CELF2: variants seen among roughly 807,000 people sequenced by gnomAD.
The protein encoded by CELF2 is CUGBP Elav-like family member 2.
Under a neutral mutation model 62.6 loss-of-function variants are expected in CELF2, and 8 were observed. That is an observed-to-expected ratio of 0.13 (90% CI 0.07 to 0.23). The LOEUF is 0.23. CELF2 is among the 10% of genes least tolerant of loss of function. The pLI, the probability that CELF2 is intolerant of heterozygous loss-of-function variation, is 1.00. For missense variants in CELF2, 333 were observed against 671.0 expected (o/e 0.50, Z 5.56); for synonymous variants, 258 against 250.0 (o/e 1.03, Z -0.30).
the CELF2 span, among the ~76,000 whole-genome samples, chr10:10,598,247 C>T: frequency 6.6e-6 from 1 of 152,180 alleles, no homozygotes; most frequent in Non-Finnish European, 1.5e-5. Context: ...CTCAGGTAGA[C>T]ATGAATAAAG....
the CELF2 span, among the ~76,000 whole-genome samples, chr10:10,478,427 G>A: frequency 1.3e-5 from 2 of 152,114 alleles, no homozygotes; most frequent in African/African-American, 4.8e-5. Context: ...AAAGGAAGAA[G>A]CTAATGTACA....
At chr10:10,752,523 T>C in the CELF2 span, among the ~76,000 whole-genome samples, 61 of 151,792 alleles carry the variant, frequency 4.0e-4, no homozygotes, top group African/African-American at 1.4e-3. Flanking sequence ...ACCCCTTCTC[T>C]ACTAAAATAC....
At chr10:10,961,018 T>C (rs2049438666) in intron 2 of CELF2, among the ~76,000 whole-genome samples, 1 of 152,238 alleles carries the variant, frequency 6.6e-6, no homozygotes, top group Non-Finnish European at 1.5e-5. Flanking sequence ...TATTTCTCCC[T>C]GTTTCATTAG....
chr10:10,929,923 T>TA (rs1368347205), intron 2 of CELF2, among the ~76,000 whole-genome samples: 3 of 152,218 alleles, frequency 2.0e-5, no homozygotes, highest in Non-Finnish European at 4.4e-5. Context: ...GCATTAAATG[T>TA]AAAAGTCCCT....
At chr10:10,537,096 A>C in the CELF2 span, among the ~76,000 whole-genome samples, 1 of 152,206 alleles carries the variant, frequency 6.6e-6, no homozygotes, top group East Asian at 1.9e-4. Context: ...ACATAGGAAC[A>C]AGAGGCAAAC....
chr10:11,002,547 G>A (rs2054622895), upstream of CELF2, among the ~76,000 whole-genome samples: 1 of 152,204 alleles, frequency 6.6e-6, no homozygotes, highest in African/African-American at 2.4e-5. This position sits in a 1 kb window ranked among gnomAD's most constrained non-coding sequence, Gnocchi z 4.4. Flanking sequence ...AGGCCCAGCA[G>A]TCGGTAGAAT....
At chr10:10,684,978 G>C in the CELF2 span, among the ~76,000 whole-genome samples, 36 of 152,248 alleles carry the variant, frequency 2.4e-4, no homozygotes, top group African/African-American at 7.7e-4. Context: ...TCTTTGGTTA[G>C]AGCAAAACCA....
At chr10:11,016,457 T>C (rs1428237728), upstream of CELF2, among the ~76,000 whole-genome samples, 8 of 152,236 alleles carry the variant, frequency 5.3e-5, no homozygotes, top group African/African-American at 2.4e-5. This position sits in a 1 kb window ranked among gnomAD's most constrained non-coding sequence, Gnocchi z 5.2. Context: ...TAAGCATGTG[T>C]GGACTTAATT....
chr10:11,066,856 A>C (rs1174478684), intron 1 of CELF2, among the ~76,000 whole-genome samples: 1 of 152,100 alleles, frequency 6.6e-6, no homozygotes, highest in Non-Finnish European at 1.5e-5. Flanking sequence ...TTGAAGCAAG[A>C]ACCCCAGCTC....
At chr10:10,937,121 C>CTTTTTT (rs373143426) in intron 2 of CELF2, among the ~76,000 whole-genome samples, 218 of 90,500 alleles carry the variant, frequency 2.4e-3, no homozygotes, top group Non-Finnish European at 3.0e-3. Context: ...TTTTTCTTTT[C>CTTTTTT]TTTTTTTTTT....
chr10:10,783,247 C>A, the CELF2 span, among the ~76,000 whole-genome samples: 1 of 152,094 alleles, frequency 6.6e-6, no homozygotes, highest in African/African-American at 2.4e-5. Context: ...TGCAGATGCA[C>A]AAGTTGAGGT....
the CELF2 span, among the ~76,000 whole-genome samples, chr10:10,629,855 G>A: frequency 2.7e-4 from 25 of 91,408 alleles, no homozygotes; most frequent in East Asian, 8.4e-3. Flanking sequence ...AAGCACGGCT[G>A]AAGACCAAAA....
intron 3 of CELF2, among the ~76,000 whole-genome samples, chr10:11,238,270 G>A (rs1289396871): frequency 1.3e-5 from 2 of 152,114 alleles, no homozygotes; most frequent in Non-Finnish European, 2.9e-5. Context: ...TCCGAGTGTC[G>A]CACACAATTC....
chr10:10,714,918 A>T, the CELF2 span, among the ~76,000 whole-genome samples: 2 of 152,172 alleles, frequency 1.3e-5, no homozygotes, highest in African/African-American at 2.4e-5. Flanking sequence ...AGTTGTTATT[A>T]CAAAGGCATT....
rs2083368461 is a variant in CELF2 at position 11,270,265 on chromosome 10, C to T, written c.619-401C>T. On this transcript the variant is annotated intron_variant, in intron 6 of 12. Coordinates refer to ENST00000633077, the MANE Select transcript of CELF2 (RefSeq NM_001326342.2). The surrounding 1 kb of genome is among the most constrained non-coding windows in gnomAD (Gnocchi z 5.8). ...CAGATTCTCCCCTTTGTCCTCTGTCCACCTGTGGACACGGGCAGACACACA... is the reference window on the plus strand; with the variant it reads ...CAGATTCTCCCCTTTGTCCTCTGTCTACCTGTGGACACGGGCAGACACACA... Among the ~76,000 whole-genome samples the T allele has an allele frequency of 6.6e-6, 1 of 152,204 alleles. No homozygotes were observed. The highest frequency in any genetic ancestry group is 2.4e-5 in the African/African-American group (1 of 41,450).
chr10:11,266,333 C>T (rs950940226), intron 5 of CELF2, among the ~76,000 whole-genome samples: 1 of 152,044 alleles, frequency 6.6e-6, no homozygotes, highest in South Asian at 2.1e-4. Context: ...AAACAGTACC[C>T]AACTTCCTCC....
intron 7 of CELF2, among the ~76,000 whole-genome samples, 186 bp from the exon 8 acceptor site, chr10:11,274,871 A>G (rs1325261771): frequency 6.6e-6 from 1 of 152,132 alleles, no homozygotes; most frequent in Non-Finnish European, 1.5e-5. Context: ...CCCAGTGTTT[A>G]TGTTTCTTAA....
At chr10:11,232,166 C>A (rs112060450) in intron 3 of CELF2, among the ~76,000 whole-genome samples, 5 of 152,076 alleles carry the variant, frequency 3.3e-5, no homozygotes, top group Admixed American at 2.6e-4. Flanking sequence ...CAACAGGCCC[C>A]GGTGTGTGAT....
At chr10:10,592,533 C>A in the CELF2 span, among the ~76,000 whole-genome samples, 5 of 152,278 alleles carry the variant, frequency 3.3e-5, no homozygotes, top group African/African-American at 4.8e-5. Context: ...GCTTTGCTGG[C>A]TACTCACGAC....
Sources: allele counts gnomAD v4.1 joint callset (sites outside exome capture counted in the v4.1 genomes callset), GRCh38; gene constraint gnomAD v4.1.1; non-coding constraint Gnocchi (gnomAD v3.1); transcripts MANE v1.5; gene names NCBI Gene and HGNC (gene_info 2026-07-23, HGNC 2026-07-21).